The following WDR27 variants were observed in gnomAD, a reference collection of about 807,000 sequenced individuals.
WDR27 encodes the protein WD repeat-containing protein 27.
WDR27 carries 100 observed loss-of-function variants against 114.4 expected under a neutral mutation model. The observed-to-expected ratio is 0.87, with a 90% CI of 0.74 to 1.03. WDR27 has a LOEUF of 1.03. WDR27 is among the 50% of genes least tolerant of loss of function. The pLI, the probability that WDR27 is intolerant of heterozygous loss-of-function variation, is 0.00. For missense variants in WDR27, 1,129 were observed against 1,092.9 expected (o/e 1.03, Z -0.47); for synonymous variants, 449 against 423.1 (o/e 1.06, Z -0.75).
At chr6:169,548,600 T>G (rs992095142) in intron 25 of WDR27, among the ~76,000 whole-genome samples, 1 of 152,178 alleles carries the variant, frequency 6.6e-6, no homozygotes, top group East Asian at 1.9e-4. Context: ...CAACTCAGTA[T>G]TGAAAGAGAA....
At chr6:169,658,411 G>T in intron 12 of WDR27, 53 bp from the exon 13 acceptor site, 2 of 1,362,338 alleles carry the variant, frequency 1.5e-6, no homozygotes, top group Non-Finnish European at 2.1e-6. Context: ...CGATACGATG[G>T]AAATGCCTCA....
At chr6:169,560,301 G>A (rs1799507543) in intron 25 of WDR27, among the ~76,000 whole-genome samples, 1 of 152,156 alleles carries the variant, frequency 6.6e-6, no homozygotes, top group Non-Finnish European at 1.5e-5. Flanking sequence ...CCTCCGCCAT[G>A]TCTGGGAGGC....
At position 169,680,759 on chromosome 6, in the gene WDR27, C is replaced by T. The variant is rs376340773; in HGVS notation, c.189+8058G>A. Among the ~76,000 whole-genome samples the T allele has an allele frequency of 9.9e-5, 15 of 152,044 alleles. No individual in the cohort carries two copies. In the East Asian group the frequency reaches 1.7e-3, roughly 18 times the overall value. ...GAAAGAGATACAATGCTAACATTAA[C>T]GAAAATAGAAAGTAGCCAAAGAAGA... On this transcript the variant is annotated intron_variant, in intron 2 of 25. Transcript: ENST00000448612.
chr6:169,613,136 C>T (rs967426031), intron 22 of WDR27, among the ~76,000 whole-genome samples: 4 of 152,112 alleles, frequency 2.6e-5, no homozygotes, highest in African/African-American at 9.7e-5. Context: ...TAAGGAAATG[C>T]CCTCCCAACT....
chr6:169,654,735 G>GAGGAGGCGCGCACGGA (rs1823587989), intron 13 of WDR27, among the ~76,000 whole-genome samples: 3 of 150,470 alleles, frequency 2.0e-5, no homozygotes, highest in African/African-American at 7.4e-5. Context: ...GCGCGCACAG[G>GAGGAGGCGCGCACGGA]AGGAGGCGCG....
chr6:169,628,117 G>A (rs1253380839), intron 21 of WDR27, among the ~76,000 whole-genome samples: 1 of 152,078 alleles, frequency 6.6e-6, no homozygotes, highest in Admixed American at 6.5e-5. Context: ...GGTCATGAGA[G>A]TGGAGTCTGC....
Position 169,653,683 on chromosome 6 carries a change from G to A in WDR27, c.1403-1675C>T, listed in dbSNP as rs550268778. Among the ~76,000 whole-genome samples the A allele has an allele frequency of 3.3e-5, 5 of 152,194 alleles. No homozygotes were observed. In the South Asian group the frequency reaches 1.0e-3, roughly 32 times the overall value. On this transcript the variant is annotated intron_variant, in intron 13 of 25. Transcript: ENST00000448612. ...CAGATGGCCTCTCCCACAGAGAAAC[G>A]CCACAAAAGCCAGAAGAAATATGTG...
At chr6:169,584,247 GC>G (rs1448333981) in intron 23 of WDR27, among the ~76,000 whole-genome samples, 1 of 152,118 alleles carries the variant, frequency 6.6e-6, no homozygotes, top group African/African-American at 2.4e-5. Context: ...CAAATGGCAG[GC>G]TATACCGTTG....
intron 25 of WDR27, among the ~76,000 whole-genome samples, chr6:169,549,763 T>C (rs948362869): frequency 2.6e-5 from 4 of 152,206 alleles, no homozygotes; most frequent in Non-Finnish European, 1.5e-5. Flanking sequence ...CAGAGAAAGA[T>C]GCCAATCTGA....
chr6:169,523,750 T>TA (rs1039160661), intron 25 of WDR27, among the ~76,000 whole-genome samples: 1 of 151,972 alleles, frequency 6.6e-6, no homozygotes, highest in Non-Finnish European at 1.5e-5. Flanking sequence ...CTTTTATGAT[T>TA]AAAAAAACCC....
intron 25 of WDR27, among the ~76,000 whole-genome samples, chr6:169,513,502 G>T (rs767231680): frequency 3.3e-5 from 5 of 151,998 alleles, no homozygotes; most frequent in Non-Finnish European, 7.4e-5. Context: ...TCAAAATTTT[G>T]GGGAGTTGTA....
intron 14 of WDR27, 142 bp from the exon 15 acceptor site, chr6:169,649,417 TC>T: frequency 1.5e-6 from 1 of 670,768 alleles, no homozygotes. Context: ...CCACCTGTCC[TC>T]CAGCCCTTAA....
chr6:169,572,203 G>A (rs1348448842), intron 25 of WDR27, among the ~76,000 whole-genome samples: 1 of 152,132 alleles, frequency 6.6e-6, no homozygotes, highest in Admixed American at 6.5e-5. Flanking sequence ...CATTGAGTCT[G>A]AAGTATAAAG....
chr6:169,697,633 T>C (rs1231919037), intron 1 of WDR27, among the ~76,000 whole-genome samples: 1 of 152,158 alleles, frequency 6.6e-6, no homozygotes, highest in Non-Finnish European at 1.5e-5. Context: ...GTAGCAAAAT[T>C]AGTGAAAGTA....
At chr6:169,525,125 G>A (rs969571189) in intron 25 of WDR27, among the ~76,000 whole-genome samples, 3 of 152,090 alleles carry the variant, frequency 2.0e-5, no homozygotes, top group East Asian at 1.9e-4. Flanking sequence ...CTGAATAGAC[G>A]TTTCTCAAAA....
chr6:169,480,068 A>C (rs1787745378), intron 25 of WDR27, among the ~76,000 whole-genome samples: 1 of 152,178 alleles, frequency 6.6e-6, no homozygotes. Flanking sequence ...AGGGCTGTGC[A>C]TGGCGCTCGC....
At chr6:169,647,239 G>A (rs1225812894) in intron 16 of WDR27, among the ~76,000 whole-genome samples, 3 of 152,216 alleles carry the variant, frequency 2.0e-5, no homozygotes, top group Non-Finnish European at 4.4e-5. Flanking sequence ...ACACACGTGA[G>A]AATCGGGCGA....
intron 13 of WDR27, among the ~76,000 whole-genome samples, chr6:169,655,462 A>G (rs190133982): frequency 3.3e-5 from 5 of 152,362 alleles, no homozygotes; most frequent in African/African-American, 1.2e-4. Context: ...GGGTACATAA[A>G]CCGCAGTATA....
At chr6:169,664,687 T>A (rs926775126) in intron 7 of WDR27, 16 of 1,010,666 alleles carry the variant, frequency 1.6e-5, no homozygotes, top group Non-Finnish European at 1.9e-5. Flanking sequence ...AAAAAAAAAA[T>A]CTAAGTTTTC....
Sources: allele counts gnomAD v4.1 joint callset (sites outside exome capture counted in the v4.1 genomes callset), GRCh38; gene constraint gnomAD v4.1.1; transcripts MANE v1.5; gene names NCBI Gene and HGNC (gene_info 2026-07-23, HGNC 2026-07-21).